The following TSEN2 variants were observed in gnomAD, a reference collection of about 807,000 sequenced individuals.
The protein encoded by TSEN2 is tRNA splicing endonuclease subunit 2.
In TSEN2, 54 loss-of-function variants were observed where a neutral mutation model predicts 59.2. That is an observed-to-expected ratio of 0.91 (90% CI 0.73 to 1.14). The LOEUF is 1.14. Among genes scored for constraint, TSEN2 ranks in the 50% most tolerant of loss-of-function variants. The probability of loss-of-function intolerance (pLI) is 0.00; values close to 1 mark genes in which losing one functional copy is unlikely to be tolerated. For synonymous variants in TSEN2, 195 were observed against 198.2 expected (o/e 0.98, Z 0.14); for missense variants, 636 against 576.2 (o/e 1.10, Z -1.06).
intron 1 of TSEN2, among the ~76,000 whole-genome samples, chr3:12,486,183 T>C (rs900822135): frequency 1.3e-5 from 2 of 152,192 alleles, no homozygotes; most frequent in Non-Finnish European, 2.9e-5. Context: ...AGTGAGTGCC[T>C]CTGGCATCTG....
intron 6 of TSEN2, among the ~76,000 whole-genome samples, chr3:12,508,026 CT>C (rs976940461): frequency 6.6e-6 from 1 of 152,122 alleles, no homozygotes; most frequent in African/African-American, 2.4e-5. Context: ...AGGGTCTGGC[CT>C]GGTCCTGGGC....
intron 6 of TSEN2, among the ~76,000 whole-genome samples, chr3:12,507,933 C>T (rs1403392854): frequency 2.0e-5 from 3 of 152,162 alleles, no homozygotes; most frequent in Non-Finnish European, 4.4e-5. Context: ...TGGGGCTTGC[C>T]ACATGGACAC....
At chr3:12,486,659 T>C (rs1368597889) in intron 1 of TSEN2, among the ~76,000 whole-genome samples, 2 of 152,200 alleles carry the variant, frequency 1.3e-5, no homozygotes, top group African/African-American at 4.8e-5. Flanking sequence ...ACAATCTAAT[T>C]TTAAAACATT....
intron 6 of TSEN2, among the ~76,000 whole-genome samples, chr3:12,513,948 C>G (rs939112060): frequency 1.3e-5 from 2 of 152,184 alleles, no homozygotes; most frequent in African/African-American, 2.4e-5. Flanking sequence ...GGGGCCTAAG[C>G]CAAGGGCAGG....
intron 4 of TSEN2, among the ~76,000 whole-genome samples, chr3:12,499,057 G>A (rs2054033863): frequency 6.6e-6 from 1 of 152,124 alleles, no homozygotes; most frequent in Non-Finnish European, 1.5e-5. Context: ...ACTGCACCTG[G>A]CCATAATTGT....
upstream of TSEN2, among the ~76,000 whole-genome samples, chr3:12,481,590 T>C (rs911075656): frequency 1.6e-4 from 24 of 152,164 alleles, no homozygotes; most frequent in Non-Finnish European, 3.5e-4. Flanking sequence ...ACCCAAGAAA[T>C]GTGCCTTATT....
intron 2 of TSEN2, among the ~76,000 whole-genome samples, chr3:12,490,713 C>A (rs1255000752): frequency 1.3e-5 from 2 of 152,162 alleles, no homozygotes; most frequent in Non-Finnish European, 2.9e-5. Context: ...TTAGAACATT[C>A]CCATCACCAC....
At chr3:12,500,527 G>A (rs1202820526) in intron 4 of TSEN2, among the ~76,000 whole-genome samples, 1 of 152,180 alleles carries the variant, frequency 6.6e-6, no homozygotes, top group Admixed American at 6.5e-5. Flanking sequence ...CAGAGGCTGC[G>A]TTCATCCCTG....
At chr3:12,524,739 CT>C (rs746602626) in intron 8 of TSEN2, among the ~76,000 whole-genome samples, 134 of 131,766 alleles carry the variant, frequency 1.0e-3, no homozygotes, top group Admixed American at 1.7e-3. Flanking sequence ...TCTTTGGTCT[CT>C]TTTTTTTTTT....
chr3:12,508,732 T>G (rs545827700), intron 6 of TSEN2, among the ~76,000 whole-genome samples: 2 of 152,228 alleles, frequency 1.3e-5, no homozygotes, highest in Non-Finnish European at 2.9e-5. Flanking sequence ...ATTGAAGAGC[T>G]ATAAACTGTA....
At chr3:12,516,451 TGTG>T (rs2056125465) in intron 6 of TSEN2, among the ~76,000 whole-genome samples, 157 bp from the exon 7 acceptor site, 1 of 36,452 alleles carries the variant, frequency 2.7e-5, no homozygotes, top group Non-Finnish European at 6.3e-5. Flanking sequence ...AATATATGTG[TGTG>T]TGTGTGTGTG....
Position 12,495,856 on chromosome 3 carries a change from G to T in TSEN2, c.272-662G>T, listed in dbSNP as rs975349986. Among the ~76,000 whole-genome samples the T allele has an allele frequency of 2.0e-5, 3 of 152,168 alleles. No homozygotes were observed. The South Asian group carries it at 6.2e-4, about 32-fold the overall frequency. ...CACTGGGTGACCTGATAAACATTTCGGTTGGAAAGACTCCTCCCACCTGAT... is the reference window on the plus strand; with the variant it reads ...CACTGGGTGACCTGATAAACATTTCTGTTGGAAAGACTCCTCCCACCTGAT... On this transcript the variant is annotated intron_variant, in intron 3 of 11. Transcript: ENST00000284995.
chr3:12,486,754 A>G (rs1313334747), intron 1 of TSEN2, among the ~76,000 whole-genome samples: 1 of 152,002 alleles, frequency 6.6e-6, no homozygotes, highest in East Asian at 1.9e-4. Context: ...GCAACTGGTA[A>G]TCTGTCTCTA....
intron 7 of TSEN2, among the ~76,000 whole-genome samples, chr3:12,518,825 C>G (rs902288856): frequency 4.6e-5 from 7 of 151,738 alleles, no homozygotes; most frequent in Non-Finnish European, 8.8e-5. Context: ...AGGACCAGAC[C>G]TTCTTGCTAA....
At chr3:12,510,576 G>A (rs969178962) in intron 6 of TSEN2, among the ~76,000 whole-genome samples, 1 of 152,268 alleles carries the variant, frequency 6.6e-6, no homozygotes, top group East Asian at 1.9e-4. Flanking sequence ...GACAGCAGCA[G>A]TCTCAGTCAG....
At chr3:12,480,570 G>T (rs138543642), upstream of TSEN2, among the ~76,000 whole-genome samples, 3 of 118,696 alleles carry the variant, frequency 2.5e-5, no homozygotes, top group African/African-American at 3.4e-5. Context: ...TCACTCTGTC[G>T]CCCAGGCTGG....
At chr3:12,531,734 A>G in intron 11 of TSEN2, 75 bp downstream of exon 11, 1 of 996,818 alleles carries the variant, frequency 1.0e-6, no homozygotes, top group Middle Eastern at 2.1e-4. Context: ...ATGTGGTCCC[A>G]AGAAAATACA....
At chr3:12,515,145 G>A (rs145915136) in intron 6 of TSEN2, 1 of 152,336 alleles carries the variant, frequency 6.6e-6, no homozygotes, top group Non-Finnish European at 1.5e-5. Context: ...CTGCTGCTAT[G>A]AAGACAGATG....
At chr3:12,496,593 GT>G (rs2053771330) in intron 4 of TSEN2, 39 bp downstream of exon 4, 1 of 1,609,238 alleles carries the variant, frequency 6.2e-7, no homozygotes, top group African/African-American at 1.3e-5. Context: ...CAAAATGATG[GT>G]TTAAGTCAGA....
Sources: gnomAD v4.1 joint callset for allele counts (sites outside exome capture counted in the v4.1 genomes callset) on GRCh38, gnomAD v4.1.1 for gene constraint, MANE v1.5 for transcripts, NCBI Gene and HGNC (gene_info 2026-07-23, HGNC 2026-07-21) for gene names.